Variants in NKAIN2 observed in about 807,000 individuals in gnomAD.
The protein encoded by NKAIN2 is sodium/potassium transporting ATPase interacting 2.
NKAIN2 carries 14 observed loss-of-function variants against 32.6 expected under a neutral mutation model. The observed-to-expected ratio is 0.43, with a 90% CI of 0.28 to 0.67. NKAIN2 has a LOEUF of 0.67. Ranked by LOEUF, NKAIN2 falls within the 30% of genes least tolerant of loss-of-function variation. NKAIN2 has a pLI of 0.17. For missense variants in NKAIN2, 198 were observed against 258.3 expected, an observed-to-expected ratio of 0.77 and a Z score of 1.60; for synonymous variants, 80 against 87.2, an observed-to-expected ratio of 0.92 and a Z score of 0.46.
intron 3 of NKAIN2, among the ~76,000 whole-genome samples, chr6:124,486,024 A>T (rs1777635574): frequency 6.6e-6 from 1 of 152,106 alleles, no homozygotes; most frequent in African/African-American, 2.4e-5. Flanking sequence ...CAATGAGCCG[A>T]CTCTAAAGAT....
chr6:123,901,807 T>A (rs1283255004), intron 1 of NKAIN2, among the ~76,000 whole-genome samples: 4 of 152,130 alleles, frequency 2.6e-5, no homozygotes. Context: ...GTTTCCACAA[T>A]AAAATTAATT....
chr6:123,817,344 C>T lies in NKAIN2; in HGVS notation c.54+13090C>T, dbSNP rs556274448. Reference sequence around the variant, plus strand: ...TACACTAGTTGGAGTAGCATACACCCCGTTTTGACAACCAAAGTGTCTCTA... The same window carrying T: ...TACACTAGTTGGAGTAGCATACACCTCGTTTTGACAACCAAAGTGTCTCTA... On this transcript the variant is annotated intron_variant, in intron 1 of 6. Coordinates refer to ENST00000368417, the MANE Select transcript of NKAIN2 (RefSeq NM_001040214.3). Among the ~76,000 whole-genome samples, 9 of 152,202 alleles carry T rather than the reference C, an allele frequency of 5.9e-5. No individual in the cohort carries two copies. The East Asian group carries it at 1.7e-3, about 29-fold the overall frequency.
At chr6:124,040,108 A>G (rs371329418) in intron 1 of NKAIN2, among the ~76,000 whole-genome samples, 13 of 152,116 alleles carry the variant, frequency 8.5e-5, no homozygotes, top group African/African-American at 3.1e-4. Flanking sequence ...ACCTATTAAA[A>G]CATGTCATTT....
chr6:124,441,695 T>A (rs567849544), intron 3 of NKAIN2, among the ~76,000 whole-genome samples: 1 of 152,200 alleles, frequency 6.6e-6, no homozygotes, highest in Non-Finnish European at 1.5e-5. Flanking sequence ...TTATGTGCAG[T>A]GAAGCAGAGA....
intron 3 of NKAIN2, among the ~76,000 whole-genome samples, chr6:124,511,160 C>G (rs1778696147): frequency 6.6e-6 from 1 of 152,054 alleles, no homozygotes; most frequent in Admixed American, 6.6e-5. Flanking sequence ...ATGTAGTTGA[C>G]TTATAGGTTA....
chr6:124,636,081 A>C (rs79184124), intron 3 of NKAIN2, among the ~76,000 whole-genome samples: 2 of 151,978 alleles, frequency 1.3e-5, no homozygotes, highest in African/African-American at 4.8e-5. Flanking sequence ...AATTTAAATC[A>C]TGTCAAGTAT....
chr6:124,245,154 T>A (rs940913264), intron 1 of NKAIN2, among the ~76,000 whole-genome samples: 2 of 152,114 alleles, frequency 1.3e-5, no homozygotes, highest in African/African-American at 2.4e-5. Context: ...TTTTCCTATG[T>A]TCTTTTTTCA....
chr6:124,175,975 T>C (rs1359258298), intron 1 of NKAIN2, among the ~76,000 whole-genome samples: 1 of 152,160 alleles, frequency 6.6e-6, no homozygotes, highest in Non-Finnish European at 1.5e-5. Flanking sequence ...CCATGCTGCC[T>C]CTCATGAGAA....
chr6:124,229,226 G>T (rs960710080), intron 1 of NKAIN2, among the ~76,000 whole-genome samples: 1 of 152,140 alleles, frequency 6.6e-6, no homozygotes, highest in African/African-American at 2.4e-5. Context: ...ATGCAAGTGT[G>T]ACACAAGTTA....
chr6:124,789,943 G>T (rs552905635), intron 4 of NKAIN2, among the ~76,000 whole-genome samples: 1 of 151,984 alleles, frequency 6.6e-6, no homozygotes, highest in Admixed American at 6.6e-5. Context: ...TACAGTTGGG[G>T]GTAGAGAGGG....
intron 1 of NKAIN2, among the ~76,000 whole-genome samples, chr6:124,069,988 T>C (rs1461625691): frequency 6.6e-6 from 1 of 152,188 alleles, no homozygotes; most frequent in Non-Finnish European, 1.5e-5. Flanking sequence ...GTCACCGAGC[T>C]CTGGTTTAGG....
At chr6:124,714,166 A>T (rs1441458164) in intron 4 of NKAIN2, among the ~76,000 whole-genome samples, 1 of 152,152 alleles carries the variant, frequency 6.6e-6, no homozygotes, top group East Asian at 1.9e-4. Flanking sequence ...ACTTCCAGAG[A>T]TTCGGATGTA....
chr6:124,028,875 G>A lies in NKAIN2; in HGVS notation c.54+224621G>A, dbSNP rs62435608. Among the ~76,000 whole-genome samples the A allele has an allele frequency of 4.6e-4, 17 of 37,176 alleles. 1 individual carries two copies. Among genetic ancestry groups the A allele is most frequent in the Non-Finnish European group, 1.0e-3 (15 of 14,700 alleles). 24.4% of individuals were successfully genotyped at this position (37,176 alleles called of 152,430 possible). ...TGTGTGTCTATATATACACATATATGTATATATATGTGTATATATATATAT... is the reference window on the plus strand; with the variant it reads ...TGTGTGTCTATATATACACATATATATATATATATGTGTATATATATATAT... On this transcript the variant is annotated intron_variant, in intron 1 of 6. Transcript: ENST00000368417.
intron 2 of NKAIN2, among the ~76,000 whole-genome samples, chr6:124,343,427 A>G (rs1371422961): frequency 6.6e-6 from 1 of 150,790 alleles, no homozygotes; most frequent in Non-Finnish European, 1.5e-5. Flanking sequence ...CAATGGTTGA[A>G]CTAGTTTACA....
chr6:123,968,651 A>G (rs1211578926), intron 1 of NKAIN2, among the ~76,000 whole-genome samples: 3 of 152,112 alleles, frequency 2.0e-5, no homozygotes, highest in African/African-American at 4.8e-5. Flanking sequence ...CTGCTACTCT[A>G]TGGCTCACAG....
chr6:124,818,531 C>T (rs142800239), intron 6 of NKAIN2, 63 bp downstream of exon 6: 110 of 693,556 alleles, frequency 1.6e-4, no homozygotes, highest in African/African-American at 6.1e-4. Context: ...AACTGTATCA[C>T]GATACAAAAT....
At chr6:123,872,876 A>G (rs1234312646) in intron 1 of NKAIN2, among the ~76,000 whole-genome samples, 1 of 152,174 alleles carries the variant, frequency 6.6e-6, no homozygotes, top group African/African-American at 2.4e-5. Flanking sequence ...CTCTCCAGGA[A>G]ATTAATCCTT....
chr6:124,377,830 G>A (rs1477384169), intron 3 of NKAIN2, among the ~76,000 whole-genome samples: 2 of 152,112 alleles, frequency 1.3e-5, no homozygotes, highest in Non-Finnish European at 2.9e-5. Flanking sequence ...AATTTGCCTT[G>A]GGAGTCCTCA....
chr6:124,749,496 T>A (rs1415103034), intron 4 of NKAIN2, among the ~76,000 whole-genome samples: 1 of 151,996 alleles, frequency 6.6e-6, no homozygotes, highest in Non-Finnish European at 1.5e-5. Flanking sequence ...ATTATAAATG[T>A]ATGTTTTTAA....
Sources: gnomAD v4.1 joint callset for allele counts (sites outside exome capture counted in the v4.1 genomes callset) on GRCh38, gnomAD v4.1.1 for gene constraint, MANE v1.5 for transcripts, NCBI Gene and HGNC (gene_info 2026-07-23, HGNC 2026-07-21) for gene names.